The following NETO1 variants were observed in gnomAD, a reference collection of about 807,000 sequenced individuals.
NETO1 encodes the protein neuropilin and tolloid like 1, also known as neuropilin and tolloid-like protein 1.
A neutral mutation model predicts 61.3 loss-of-function variants in NETO1; 26 were observed. That is an observed-to-expected ratio of 0.42 (90% CI 0.31 to 0.59). The LOEUF (loss-of-function observed/expected upper bound fraction) is 0.59, where lower values mean the gene tolerates loss of function less well. Among genes scored for constraint, NETO1 ranks in the 20% least tolerant of loss-of-function variants. The pLI is 0.12. For missense variants in NETO1, 531 were observed against 662.8 expected, an observed-to-expected ratio of 0.80 and a Z score of 2.18; for synonymous variants, 225 against 225.8, an observed-to-expected ratio of 1.00 and a Z score of 0.03.
chr18:72,772,297 A>G (rs1568186597), intron 7 of NETO1, among the ~76,000 whole-genome samples: 1 of 152,108 alleles, frequency 6.6e-6, no homozygotes, highest in African/African-American at 2.4e-5. Context: ...TTCCTGTTTA[A>G]CTCAAAGTGA....
intron 7 of NETO1, among the ~76,000 whole-genome samples, chr18:72,776,162 A>T (rs1224276256): frequency 1.3e-5 from 2 of 152,112 alleles, no homozygotes; most frequent in Non-Finnish European, 2.9e-5. Context: ...CACAGTGGAG[A>T]GTTTCCAAGG....
intron 1 of NETO1, among the ~76,000 whole-genome samples, chr18:72,866,183 T>G (rs1332827449): frequency 6.6e-6 from 1 of 152,196 alleles, no homozygotes; most frequent in Non-Finnish European, 1.5e-5. Context: ...ACATAAAAGG[T>G]CTATGTTTTC....
At chr18:72,777,951 T>C (rs775944424) in intron 7 of NETO1, among the ~76,000 whole-genome samples, 3 of 152,104 alleles carry the variant, frequency 2.0e-5, no homozygotes, top group Non-Finnish European at 4.4e-5. Flanking sequence ...CTCTCTGCAG[T>C]GCGCCCCCTT....
At chr18:72,832,394 A>C (rs960434570) in intron 4 of NETO1, among the ~76,000 whole-genome samples, 3 of 152,192 alleles carry the variant, frequency 2.0e-5, no homozygotes, top group Non-Finnish European at 4.4e-5. Flanking sequence ...ATAAAGATCA[A>C]GTTTTTTTCT....
At chr18:72,785,102 C>T (rs375146005) in intron 6 of NETO1, among the ~76,000 whole-genome samples, 6 of 152,272 alleles carry the variant, frequency 3.9e-5, no homozygotes, top group Non-Finnish European at 7.4e-5. Flanking sequence ...AATGCCTATA[C>T]GCTATTTCCT....
In NETO1 at chr18:72,750,124, A is replaced by G. The variant is rs371638188; in HGVS notation, c.1479T>C (p.Asp493=). The part of the protein sequence containing the change: ...SQDAADACDI[D]EIEEVPTTSH... ...TGGTGGTCGGCACCTCTTCGATTTC[A>G]TCTATGTCACAGGCATCTGCAGCAT... is the stretch of plus-strand genomic sequence containing the variant. The change falls in exon 9 of 11, where the codon GAT becomes GAC. Residue 493 remains aspartate (D), a synonymous_variant. Transcript: ENST00000327305. 2.5e-6 allele frequency: 4 copies of G among 1,613,222 alleles called. No individual in the cohort carries two copies. Among genetic ancestry groups the G allele is most frequent in the Non-Finnish European group, 3.4e-6 (4 of 1,179,740 alleles).
At chr18:72,815,779 C>T (rs369528547) in intron 4 of NETO1, among the ~76,000 whole-genome samples, 6 of 152,142 alleles carry the variant, frequency 3.9e-5, no homozygotes, top group South Asian at 2.1e-4. Flanking sequence ...TGAAAGACTC[C>T]TGAGAAAACT....
intron 6 of NETO1, among the ~76,000 whole-genome samples, chr18:72,788,919 A>G (rs2072015894): frequency 1.3e-5 from 2 of 152,238 alleles, no homozygotes; most frequent in Admixed American, 1.3e-4. Flanking sequence ...ATTTGAGGCA[A>G]TTATTTACCA....
chr18:72,815,207 A>G (rs2072994698), intron 4 of NETO1, among the ~76,000 whole-genome samples: 1 of 152,222 alleles, frequency 6.6e-6, no homozygotes, highest in Non-Finnish European at 1.5e-5. Flanking sequence ...AAATCTGAAA[A>G]GTAAGCAAAT....
intron 6 of NETO1, among the ~76,000 whole-genome samples, chr18:72,788,512 G>T (rs528717932): frequency 1.3e-5 from 2 of 151,578 alleles, no homozygotes; most frequent in Non-Finnish European, 2.9e-5. Context: ...CTAATAGAAA[G>T]AATTATTTAA....
At chr18:72,853,900 G>T (rs1382545354) in intron 4 of NETO1, among the ~76,000 whole-genome samples, 1 of 151,736 alleles carries the variant, frequency 6.6e-6, no homozygotes, top group East Asian at 1.9e-4. Flanking sequence ...GCACCTATCA[G>T]AACTCTGATT....
At chr18:72,824,587 G>A (rs937025626) in intron 4 of NETO1, among the ~76,000 whole-genome samples, 2 of 152,112 alleles carry the variant, frequency 1.3e-5, no homozygotes, top group African/African-American at 2.4e-5. Flanking sequence ...ATTTGGTGCC[G>A]GGCGTGGTGG....
chr18:72,757,635 T>C (rs2070827043), intron 7 of NETO1, among the ~76,000 whole-genome samples: 2 of 152,138 alleles, frequency 1.3e-5, no homozygotes, highest in Admixed American at 1.3e-4. Flanking sequence ...AAAAAAAAAG[T>C]ATCACGCTTA....
chr18:72,846,834 C>G (rs1201038685), intron 4 of NETO1, among the ~76,000 whole-genome samples: 1 of 152,166 alleles, frequency 6.6e-6, no homozygotes, highest in Non-Finnish European at 1.5e-5. Flanking sequence ...TGTTTTAGAT[C>G]TTACTTATCA....
intron 4 of NETO1, among the ~76,000 whole-genome samples, chr18:72,857,821 T>C (rs1472821069): frequency 2.0e-5 from 3 of 152,210 alleles, no homozygotes; most frequent in Admixed American, 6.5e-5. Flanking sequence ...TTAAAGCTAA[T>C]ATATATGCTA....
At chr18:72,799,787 GT>G (rs1320267559) in intron 4 of NETO1, among the ~76,000 whole-genome samples, 3 of 152,216 alleles carry the variant, frequency 2.0e-5, no homozygotes, top group Non-Finnish European at 2.9e-5. Context: ...ACTGGCCAGA[GT>G]TTTTTAGTTA....
intron 7 of NETO1, among the ~76,000 whole-genome samples, chr18:72,771,880 A>T (rs1162243149): frequency 1.3e-5 from 2 of 152,056 alleles, no homozygotes; most frequent in South Asian, 2.1e-4. Flanking sequence ...CCACCAGCTT[A>T]AAACAATATC....
At chr18:72,836,834 T>C (rs930659807) in intron 4 of NETO1, among the ~76,000 whole-genome samples, 2 of 152,108 alleles carry the variant, frequency 1.3e-5, no homozygotes, top group Admixed American at 6.6e-5. Flanking sequence ...CGGATCTAAC[T>C]CTGCTACATC....
chr18:72,866,528 T>C (rs1411925050), intron 1 of NETO1, among the ~76,000 whole-genome samples: 1 of 152,156 alleles, frequency 6.6e-6, no homozygotes, highest in African/African-American at 2.4e-5. Flanking sequence ...TACTCCGCTC[T>C]TCCTGTTTTG....
Sources: gnomAD v4.1 joint callset for allele counts (sites outside exome capture counted in the v4.1 genomes callset) on GRCh38, gnomAD v4.1.1 for gene constraint, MANE v1.5 for transcripts, NCBI Gene and HGNC (gene_info 2026-07-23, HGNC 2026-07-21) for gene names.